The following MGAT4C variants were observed in gnomAD, a reference collection of about 807,000 sequenced individuals.
MGAT4C encodes alpha-1,3-mannosyl-glycoprotein 4-beta-N-acetylglucosaminyltransferase C.
Under a neutral mutation model 40.1 loss-of-function variants are expected in MGAT4C, and 19 were observed. That is an observed-to-expected ratio of 0.47 (90% CI 0.33 to 0.70). The LOEUF (loss-of-function observed/expected upper bound fraction) is 0.70, where lower values mean the gene tolerates loss of function less well. MGAT4C is among the 30% of genes least tolerant of loss of function. The pLI is 0.02. For missense variants in MGAT4C, 491 were observed against 563.2 expected (o/e 0.87, Z 1.30); for synonymous variants, 181 against 187.1 (o/e 0.97, Z 0.27).
intron 2 of MGAT4C, among the ~76,000 whole-genome samples, chr12:86,680,222 T>C (rs1213476703): frequency 6.6e-6 from 1 of 152,080 alleles, no homozygotes; most frequent in East Asian, 1.9e-4. Flanking sequence ...AGACACATTG[T>C]ATTTGAAGAT....
chr12:86,408,448 ACTCTCTCTCT>A (rs1174416641), intron 3 of MGAT4C, among the ~76,000 whole-genome samples: 84 of 29,362 alleles, frequency 2.9e-3, no homozygotes, highest in African/African-American at 8.9e-3. Flanking sequence ...TACATAGTAA[ACTCTCTCTCT>A]CTCTCTCTCT....
chr12:86,646,680 C>T (rs1346162151), intron 2 of MGAT4C, among the ~76,000 whole-genome samples: 1 of 151,874 alleles, frequency 6.6e-6, no homozygotes, highest in African/African-American at 2.4e-5. Flanking sequence ...TGTCTAAAGC[C>T]TCATTTTAGT....
At chr12:86,555,827 C>T (rs1959583802) in intron 2 of MGAT4C, among the ~76,000 whole-genome samples, 1 of 152,198 alleles carries the variant, frequency 6.6e-6, no homozygotes, top group Non-Finnish European at 1.5e-5. Context: ...AGCCTCCACA[C>T]TCATGATGGC....
intron 3 of MGAT4C, among the ~76,000 whole-genome samples, chr12:86,408,479 CTATATATATATATATATA>C (rs71076198): frequency 1.6e-5 from 1 of 63,368 alleles, no homozygotes; most frequent in African/African-American, 7.8e-5. Context: ...CTCTCTCTCT[CTATATATATATATATATA>C]TATATATATA....
chr12:86,681,552 C>T (rs17014109), intron 2 of MGAT4C, among the ~76,000 whole-genome samples: 1 of 151,550 alleles, frequency 6.6e-6, no homozygotes, highest in Non-Finnish European at 1.5e-5. Context: ...TTATTGAGTA[C>T]TATGCTAGTT....
rs565536701 is a variant in MGAT4C, at chr12:86,333,071, C to T, written c.-57+994G>A. Among the ~76,000 whole-genome samples the T allele has an allele frequency of 5.3e-5, 8 of 152,248 alleles. No individual in the cohort carries two copies. In the East Asian group the frequency reaches 7.8e-4, roughly 15 times the overall value. On this transcript the variant is annotated intron_variant, in intron 4 of 7. Coordinates refer to the MGAT4C transcript ENST00000548651. ...AGAGGAAACCAATATAATGCTCTAT[C>T]GCACACAGAGTAGTATGTATGAATG...
At chr12:86,328,722 G>A (rs966719741) in intron 4 of MGAT4C, among the ~76,000 whole-genome samples, 4 of 151,936 alleles carry the variant, frequency 2.6e-5, no homozygotes, top group African/African-American at 9.7e-5. Context: ...TGTTTCTTTA[G>A]ATCTTAATTA....
chr12:86,443,490 T>C (rs1957272764), intron 2 of MGAT4C, among the ~76,000 whole-genome samples: 1 of 152,164 alleles, frequency 6.6e-6, no homozygotes, highest in Admixed American at 6.5e-5. Flanking sequence ...TTACAACTGA[T>C]GGAATAGCCT....
chr12:86,263,104 T>G (rs1421124430), intron 4 of MGAT4C, among the ~76,000 whole-genome samples: 1 of 152,136 alleles, frequency 6.6e-6, no homozygotes, highest in Non-Finnish European at 1.5e-5. Flanking sequence ...TATGGGGTTG[T>G]AACCCCATAA....
chr12:85,981,445 C>G (rs751593139), intron 4 of MGAT4C, among the ~76,000 whole-genome samples: 11 of 152,012 alleles, frequency 7.2e-5, no homozygotes, highest in Admixed American at 5.2e-4. Flanking sequence ...GAAAAAAGCC[C>G]CATTCCAAAA....
chr12:86,581,400 T>C (rs377749852), intron 2 of MGAT4C, among the ~76,000 whole-genome samples: 1 of 151,560 alleles, frequency 6.6e-6, no homozygotes, highest in African/African-American at 2.4e-5. Context: ...CAAAAGACCT[T>C]CAAGTGATTT....
At chr12:86,061,128 C>T (rs113727865) in intron 1 of MGAT4C, among the ~76,000 whole-genome samples, 10,891 of 152,122 alleles carry the variant, frequency 0.072, 552 homozygotes, top group Middle Eastern at 0.24. Flanking sequence ...ACTCAGGAGG[C>T]GGGTTATTTC....
rs1185000154 is a variant in MGAT4C at position 85,978,433 on chromosome 12, T to C, written c.*856A>G. Reference sequence around the variant, plus strand: ...ATAATTTCAATCACATGGATTTTAATACAAAATGTATAAAATCAATTTCCA... The same window carrying C: ...ATAATTTCAATCACATGGATTTTAACACAAAATGTATAAAATCAATTTCCA... On this transcript the variant is annotated 3_prime_UTR_variant, in exon 5 of 5. Transcript: ENST00000611864. The C allele has an allele frequency of 6.6e-6, 1 of 152,088 alleles. No homozygotes were observed. Among genetic ancestry groups the C allele is most frequent in the Non-Finnish European group, 1.5e-5 (1 of 67,668 alleles). The allele number at this position is 152,088 out of a possible 1,614,324, so 9.4% of individuals were successfully genotyped here.
chr12:86,509,976 T>G (rs559311259), intron 2 of MGAT4C, among the ~76,000 whole-genome samples: 1 of 152,032 alleles, frequency 6.6e-6, no homozygotes, highest in East Asian at 1.9e-4. Context: ...GACAGTGGGG[T>G]TTTCTAGATA....
chr12:86,482,782 T>C (rs1352563701), intron 2 of MGAT4C, among the ~76,000 whole-genome samples: 1 of 152,204 alleles, frequency 6.6e-6, no homozygotes, highest in African/African-American at 2.4e-5. Context: ...TCATATATGA[T>C]ACAACGCATA....
intron 4 of MGAT4C, among the ~76,000 whole-genome samples, chr12:86,263,587 TAA>T (rs1257784214): frequency 6.6e-6 from 1 of 152,204 alleles, no homozygotes; most frequent in Non-Finnish European, 1.5e-5. Flanking sequence ...TGATGACACT[TAA>T]GTTGATTCAA....
At chr12:86,752,905 A>C (rs1349129426) in intron 1 of MGAT4C, among the ~76,000 whole-genome samples, 1 of 152,154 alleles carries the variant, frequency 6.6e-6, no homozygotes, top group Non-Finnish European at 1.5e-5. Flanking sequence ...AATTTATTTC[A>C]AATGGATCAT....
intron 1 of MGAT4C, among the ~76,000 whole-genome samples, chr12:86,824,793 T>A (rs1180315193): frequency 6.6e-6 from 1 of 150,630 alleles, no homozygotes; most frequent in Non-Finnish European, 1.5e-5. Context: ...ACAAGTTTTT[T>A]ATATTGAAAT....
chr12:86,588,496 A>T (rs1055560029), intron 2 of MGAT4C, among the ~76,000 whole-genome samples: 1 of 152,014 alleles, frequency 6.6e-6, no homozygotes, highest in Non-Finnish European at 1.5e-5. Context: ...CAGATCAACA[A>T]GACAGAAAGT....
Sources: allele counts gnomAD v4.1 joint callset (sites outside exome capture counted in the v4.1 genomes callset), GRCh38; gene constraint gnomAD v4.1.1; transcripts MANE v1.5; gene names NCBI Gene and HGNC (gene_info 2026-07-23, HGNC 2026-07-21).